MMP16: variants seen among roughly 807,000 people sequenced by gnomAD.
MMP16 encodes the protein matrix metallopeptidase 16, also known as matrix metalloproteinase-16.
In MMP16, 12 loss-of-function variants were observed where a neutral mutation model predicts 67.8. That is an observed-to-expected ratio of 0.18 (90% CI 0.11 to 0.29). MMP16 has a LOEUF of 0.29. Among genes scored for constraint, MMP16 ranks in the 10% least tolerant of loss-of-function variants. The pLI is 1.00. For missense variants in MMP16, 475 were observed against 765.7 expected (o/e 0.62, Z 4.48); for synonymous variants, 249 against 255.9 (o/e 0.97, Z 0.26).
chr8:88,138,877 G>C (rs1350678498), intron 4 of MMP16, among the ~76,000 whole-genome samples: 1 of 151,938 alleles, frequency 6.6e-6, no homozygotes, highest in Non-Finnish European at 1.5e-5. Context: ...TGATCTCAAT[G>C]GGAATGTTGG....
At position 88,276,269 on chromosome 8, in the gene MMP16, A is replaced by T. The variant is rs568285399; in HGVS notation, c.132+50806T>A. On this transcript the variant is annotated intron_variant, in intron 1 of 9. Coordinates refer to ENST00000286614, the MANE Select transcript of MMP16 (RefSeq NM_005941.5). Reference sequence around the variant, plus strand: ...TTGCAAAAAATATGTAGCATCTTATATACCTAAATTGTAAATGTATGTGTC... The same window carrying T: ...TTGCAAAAAATATGTAGCATCTTATTTACCTAAATTGTAAATGTATGTGTC... 3.3e-5 allele frequency among the ~76,000 whole-genome samples: 5 copies of T among 152,216 alleles called. No homozygotes were observed. In the East Asian group the frequency reaches 9.6e-4, roughly 29 times the overall value.
intron 1 of MMP16, among the ~76,000 whole-genome samples, chr8:88,279,048 C>T (rs1395863675): frequency 6.6e-6 from 1 of 151,714 alleles, no homozygotes; most frequent in Non-Finnish European, 1.5e-5. Flanking sequence ...ATGATGAAAC[C>T]CCATCTCTAC....
At chr8:88,042,217 A>T (rs1586118528) in intron 9 of MMP16, among the ~76,000 whole-genome samples, 2 of 152,212 alleles carry the variant, frequency 1.3e-5, no homozygotes, top group South Asian at 4.1e-4. Context: ...GTTTACCCTC[A>T]GGCTGTTACT....
At chr8:88,137,445 A>G (rs1490855807) in intron 4 of MMP16, among the ~76,000 whole-genome samples, 1 of 152,056 alleles carries the variant, frequency 6.6e-6, no homozygotes, top group African/African-American at 2.4e-5. Flanking sequence ...TTGAGAAGTC[A>G]GGTGCCAATT....
intron 1 of MMP16, among the ~76,000 whole-genome samples, chr8:88,294,756 C>T (rs1810986917): frequency 6.6e-6 from 1 of 152,000 alleles, no homozygotes; most frequent in South Asian, 2.1e-4. Context: ...GCTCTGTCGC[C>T]CAGGCTGGAG....
rs1162906732 is a variant in MMP16, at chr8:88,040,387, AT to A, written c.*1073del. The A allele has an allele frequency of 6.6e-6, 1 of 152,534 alleles. No homozygotes were observed. The highest frequency in any genetic ancestry group is 1.5e-5 in the Non-Finnish European group (1 of 68,030). 9.4% of individuals were successfully genotyped at this position (152,534 alleles called of 1,614,324 possible). A position where few individuals can be genotyped will look rare whatever the true frequency, so the allele number is the denominator to read the frequency against. ...GTTTTTACCATTGCCCAGTTCTATA[AT>A]TTATCAGATCGCAAGACCGACAATC... On this transcript the variant is annotated 3_prime_UTR_variant, in exon 10 of 10. Transcript: ENST00000286614.
chr8:88,215,386 C>A, intron 1 of MMP16, among the ~76,000 whole-genome samples: 1 of 151,944 alleles, frequency 6.6e-6, no homozygotes, highest in East Asian at 1.9e-4. Flanking sequence ...TCCATTTGTC[C>A]TTCTAAGATT....
chr8:88,069,294 C>G (rs1248153786), intron 7 of MMP16: 3 of 338,930 alleles, frequency 8.9e-6, no homozygotes, highest in South Asian at 7.4e-5. Flanking sequence ...GCAGATTGAT[C>G]CCTCGGTATT....
chr8:88,115,061 T>C (rs1809405534), intron 6 of MMP16, among the ~76,000 whole-genome samples: 2 of 151,916 alleles, frequency 1.3e-5, no homozygotes, highest in South Asian at 4.1e-4. Flanking sequence ...CCTACTTAGA[T>C]AGACAGGAAT....
intron 6 of MMP16, among the ~76,000 whole-genome samples, chr8:88,078,106 C>G (rs1430392768): frequency 1.3e-5 from 2 of 152,026 alleles, no homozygotes; most frequent in Non-Finnish European, 2.9e-5. Flanking sequence ...CTTCCTGTCT[C>G]TTTCTCCTCT....
At chr8:88,177,617 T>C (rs963896278) in intron 3 of MMP16, among the ~76,000 whole-genome samples, 1 of 152,164 alleles carries the variant, frequency 6.6e-6, no homozygotes, top group Non-Finnish European at 1.5e-5. Context: ...AGCAACAATT[T>C]TGAAATAATG....
chr8:88,134,690 C>T (rs1284690870), intron 4 of MMP16, among the ~76,000 whole-genome samples: 1 of 151,482 alleles, frequency 6.6e-6, no homozygotes, highest in Non-Finnish European at 1.5e-5. Flanking sequence ...GACAATGTTG[C>T]TGTTTCCCCT....
At chr8:88,049,241 A>C (rs1317341325) in intron 8 of MMP16, among the ~76,000 whole-genome samples, 1 of 152,236 alleles carries the variant, frequency 6.6e-6, no homozygotes, top group Non-Finnish European at 1.5e-5. Context: ...AAGTGGAATC[A>C]TTAGTGTATC....
chr8:88,093,042 C>T (rs543618207), intron 6 of MMP16, among the ~76,000 whole-genome samples: 1 of 151,684 alleles, frequency 6.6e-6, no homozygotes, highest in Middle Eastern at 3.4e-3. Flanking sequence ...GGAGGTTTTG[C>T]AATGGGCAAT....
At chr8:88,213,607 G>T (rs913468336) in intron 1 of MMP16, among the ~76,000 whole-genome samples, 2 of 152,090 alleles carry the variant, frequency 1.3e-5, no homozygotes, top group African/African-American at 4.8e-5. Flanking sequence ...TCAGTTATAA[G>T]ATCAATTATA....
At chr8:88,198,525 A>C (rs1410901727) in intron 1 of MMP16, among the ~76,000 whole-genome samples, 1 of 152,152 alleles carries the variant, frequency 6.6e-6, no homozygotes, top group Admixed American at 6.6e-5. Context: ...TCAACGTCTA[A>C]AACAGGAGAC....
chr8:88,298,434 CAT>C (rs775395009), intron 1 of MMP16, among the ~76,000 whole-genome samples: 4 of 152,132 alleles, frequency 2.6e-5, no homozygotes, highest in South Asian at 2.1e-4. Context: ...AAATGGAAAA[CAT>C]GTGGGATTGC....
At chr8:88,246,542 AC>A (rs1425996403) in intron 1 of MMP16, among the ~76,000 whole-genome samples, 1 of 152,214 alleles carries the variant, frequency 6.6e-6, no homozygotes, top group Non-Finnish European at 1.5e-5. Context: ...AAAGACATAT[AC>A]AAAAATATAC....
intron 1 of MMP16, among the ~76,000 whole-genome samples, chr8:88,216,046 G>A (rs1809587556): frequency 1.3e-5 from 2 of 152,036 alleles, no homozygotes; most frequent in Non-Finnish European, 2.9e-5. Context: ...GAAGAATTAC[G>A]TATTTTATCA....
Sources: gnomAD v4.1 joint callset for allele counts (sites outside exome capture counted in the v4.1 genomes callset) on GRCh38, gnomAD v4.1.1 for gene constraint, MANE v1.5 for transcripts, NCBI Gene and HGNC (gene_info 2026-07-23, HGNC 2026-07-21) for gene names.